Variants in BID observed in about 807,000 individuals in gnomAD.
BID encodes BH3-interacting domain death agonist.
BID carries 19 observed loss-of-function variants against 17.4 expected under a neutral mutation model. That is an observed-to-expected ratio of 1.09 (90% CI 0.76 to 1.60). The LOEUF (loss-of-function observed/expected upper bound fraction) is 1.60. BID is among the 40% of genes most tolerant of loss of function. The pLI, the probability that BID is intolerant of heterozygous loss-of-function variation, is 0.00. For synonymous variants in BID, 108 were observed against 102.8 expected (o/e 1.05, Z -0.31); for missense variants, 226 against 256.0 (o/e 0.88, Z 0.80).
chr22:17,735,922 C>G (rs915206042), intron 5 of BID, among the ~76,000 whole-genome samples: 3 of 152,170 alleles, frequency 2.0e-5, no homozygotes, highest in Non-Finnish European at 4.4e-5. Flanking sequence ...CCCACCCTTT[C>G]CCCCTTTACA....
At chr22:17,756,420 CTTTCTTTCTTTCTTCTTTCTTTCTT>C (rs2061585034) in intron 1 of BID, among the ~76,000 whole-genome samples, 4 of 131,370 alleles carry the variant, frequency 3.0e-5, no homozygotes, top group South Asian at 4.9e-4. Context: ...CTCTTTCTTT[CTTTCTTTCTTTCTTCTTTCTTTCTT>C]TCTTTCTTTC....
At chr22:17,747,225 C>A (rs1478138191) in intron 2 of BID, among the ~76,000 whole-genome samples, 1 of 152,176 alleles carries the variant, frequency 6.6e-6, no homozygotes, top group Non-Finnish European at 1.5e-5. Flanking sequence ...GCCGGCCCTG[C>A]AGGACAGGAG....
At chr22:17,753,948 T>G (rs2061560713) in intron 1 of BID, among the ~76,000 whole-genome samples, 1 of 151,706 alleles carries the variant, frequency 6.6e-6, no homozygotes, top group African/African-American at 2.4e-5. Flanking sequence ...TCTCCAGGAC[T>G]CTGCAGGACT....
rs575121244 is a variant in BID, at chr22:17,735,651, A to G, written c.577-60T>C. ...TAGGCTCATTCACAAACCAGGCTCC[A>G]GAGCTCTGTGCCACAGTAGAGCAAA... On this transcript the variant is annotated intron_variant, in intron 5 of 5. Coordinates refer to ENST00000622694, the MANE Select transcript of BID (RefSeq NM_001196.4). 66 of 1,606,052 alleles carry G rather than the reference A, an allele frequency of 4.1e-5. No individual in the cohort carries two copies. The Admixed American group carries it at 6.8e-4, about 17-fold the overall frequency.
At position 17,773,398 on chromosome 22, in the gene BID, G is replaced by A. The variant is rs2061734921; in HGVS notation, c.-59+983C>T. 6.6e-6 allele frequency among the ~76,000 whole-genome samples: 1 copy of A among 152,154 alleles called. No homozygotes were observed. Among genetic ancestry groups the A allele is most frequent in the African/African-American group, 2.4e-5 (1 of 41,446 alleles). The stretch of plus-strand genomic sequence containing the variant: ...TCCCCCCATCTCAAAGCCTCCTGTG[G>A]GTGGAGATGGAATGTGGAAAAACCG... On this transcript the variant is annotated intron_variant, in intron 1 of 5. Transcript: ENST00000622694. The surrounding 1 kb of genome is among the most constrained non-coding windows in gnomAD (Gnocchi z 4.4).
chr22:17,735,369 A>G lies in BID; in HGVS notation c.*211T>C. ...ATATGAAGGCCATTCAAATACGTGT[A>G]AATGGACATTTTCATTCAAGTATAT... is the stretch of plus-strand genomic sequence containing the variant. On this transcript the variant is annotated 3_prime_UTR_variant, in exon 6 of 6. Coordinates refer to ENST00000622694, the MANE Select transcript of BID (RefSeq NM_001196.4). 1.7e-6 allele frequency: 1 copy of G among 593,548 alleles called. No individual in the cohort carries two copies. The highest frequency in any genetic ancestry group is 3.1e-5 in the Admixed American group (1 of 32,438). 36.8% of individuals were successfully genotyped at this position (593,548 alleles called of 1,614,324 possible). A position where few individuals can be genotyped will look rare whatever the true frequency, so the allele number is the denominator to read the frequency against.
intron 3 of BID, 70 bp downstream of exon 3, chr22:17,743,733 G>A: frequency 6.7e-7 from 1 of 1,494,136 alleles, no homozygotes. Context: ...TTCCAGCCCT[G>A]AGGCTCCCTG....
At chr22:17,765,436 C>T (rs771466592) in intron 1 of BID, among the ~76,000 whole-genome samples, 3 of 152,092 alleles carry the variant, frequency 2.0e-5, no homozygotes, top group Non-Finnish European at 4.4e-5. Flanking sequence ...GTAAGTATGT[C>T]GATATCCAAA....
At chr22:17,751,843 C>T (rs1318863128) in intron 1 of BID, among the ~76,000 whole-genome samples, 1 of 152,192 alleles carries the variant, frequency 6.6e-6, no homozygotes, top group Non-Finnish European at 1.5e-5. Context: ...GATCTGGCTC[C>T]GGGGCCATCT....
At chr22:17,750,232 T>A in intron 1 of BID, 58 bp from the exon 2 acceptor site, 2 of 1,486,678 alleles carry the variant, frequency 1.3e-6, no homozygotes, top group Non-Finnish European at 1.8e-6. Context: ...TCAGGACCCC[T>A]CGGGAGGACG....
intron 1 of BID, among the ~76,000 whole-genome samples, chr22:17,756,439 CTT>C (rs1284720100): frequency 3.6e-5 from 1 of 28,092 alleles, no homozygotes; most frequent in Admixed American, 4.1e-4. Context: ...TTTCTTCTTT[CTT>C]TCTTTCTTTC....
At chr22:17,748,041 T>C (rs2061506733) in intron 2 of BID, among the ~76,000 whole-genome samples, 1 of 150,562 alleles carries the variant, frequency 6.6e-6, no homozygotes, top group Admixed American at 6.6e-5. Context: ...AAACCCCGTC[T>C]TTACTAAAAT....
chr22:17,744,533 C>A (rs930242192), intron 2 of BID, among the ~76,000 whole-genome samples: 1 of 152,238 alleles, frequency 6.6e-6, no homozygotes, highest in Non-Finnish European at 1.5e-5. Context: ...GTAACTACTG[C>A]GGAGTGGTGA....
At chr22:17,736,394 T>C (rs2061419754) in intron 5 of BID, among the ~76,000 whole-genome samples, 1 of 149,914 alleles carries the variant, frequency 6.7e-6, no homozygotes, top group African/African-American at 2.5e-5. Context: ...GAGGCAGAGG[T>C]TGTGGTGAGC....
intron 1 of BID, among the ~76,000 whole-genome samples, chr22:17,756,417 TTTCTTTCTTTCTTTC>T (rs764345697): frequency 0.017 from 998 of 60,372 alleles, 5 homozygotes; most frequent in East Asian, 0.15. Flanking sequence ...TTTCTCTTTC[TTTCTTTCTTTCTTTC>T]TTCTTTCTTT....
chr22:17,773,464 G>A lies in BID; in HGVS notation c.-59+917C>T, dbSNP rs1035730198. On this transcript the variant is annotated intron_variant, in intron 1 of 5. Transcript: ENST00000622694. This position sits in a 1 kb window ranked among gnomAD's most constrained non-coding sequence, Gnocchi z 4.4. ...CCCCACAGTGAGAGCGAGGACTGAG[G>A]GTGTGGATAAGGCTCCAGGAAGGGG... 2 of 789,098 alleles carry A rather than the reference G, an allele frequency of 2.5e-6. No homozygotes were observed. The highest frequency in any genetic ancestry group is 4.2e-6 in the Non-Finnish European group (2 of 473,844). 48.9% of individuals were successfully genotyped at this position (789,098 alleles called of 1,614,324 possible). A position where few individuals can be genotyped will look rare whatever the true frequency, so the allele number is the denominator to read the frequency against.
chr22:17,739,429 C>T lies in BID; in HGVS notation c.283G>A (p.Asp95Asn). Residue 95 changes from aspartate (D) to asparagine (N), a missense_variant, in exon 4 of 6, where the codon GAC (aspartate) becomes AAC (asparagine). Coordinates refer to ENST00000622694, the MANE Select transcript of BID (RefSeq NM_001196.4). Reference protein sequence around the residue: ...NIARHLAQVGDSMDRSIPPGL... With the variant: ...NIARHLAQVGNSMDRSIPPGL... Reference sequence around the variant, plus strand: ...GGAGGGATGCTACGGTCCATGCTGTCCCCGACCTGGGCGAGGTGCCTGGCA... The same window carrying T: ...GGAGGGATGCTACGGTCCATGCTGTTCCCGACCTGGGCGAGGTGCCTGGCA... The T allele has an allele frequency of 6.2e-7, 1 of 1,612,458 alleles. No homozygotes were observed. The highest frequency in any genetic ancestry group is 8.5e-7 in the Non-Finnish European group (1 of 1,179,892).
At chr22:17,739,932 T>C in intron 3 of BID, 1 of 803,372 alleles carries the variant, frequency 1.2e-6, no homozygotes, top group Non-Finnish European at 2.0e-6. Flanking sequence ...CCCCCATTCC[T>C]CGCAGTCCCG....
At position 17,771,395 on chromosome 22, in the gene BID, G is replaced by A. The variant is rs549545345; in HGVS notation, c.-59+2986C>T. ...ATTACAGGCGTGAGCCACCGCGCCC[G>A]GCTGGTCTTTCCCCTTTAAGACCCC... On this transcript the variant is annotated intron_variant, in intron 1 of 5. Transcript: ENST00000622694. Among the ~76,000 whole-genome samples the A allele has an allele frequency of 2.8e-4, 43 of 152,146 alleles. 1 individual carries two copies. Among genetic ancestry groups the A allele is most frequent in the South Asian group, 1.9e-3 (9 of 4,818 alleles).
Sources: allele counts gnomAD v4.1 joint callset (sites outside exome capture counted in the v4.1 genomes callset), GRCh38; gene constraint gnomAD v4.1.1; non-coding constraint Gnocchi (gnomAD v3.1); transcripts MANE v1.5; gene names NCBI Gene and HGNC (gene_info 2026-07-23, HGNC 2026-07-21).